Variants in CDK14 observed in about 807,000 individuals in gnomAD.
CDK14 encodes cyclin dependent kinase 14.
A neutral mutation model predicts 60.7 loss-of-function variants in CDK14; 34 were observed. The ratio of observed to expected loss-of-function variants is 0.56; its 90% CI spans 0.43 to 0.75. CDK14 has a LOEUF of 0.75. CDK14 is among the 30% of genes least tolerant of loss of function. The probability of loss-of-function intolerance (pLI) is 0.00; values close to 1 mark genes in which losing one functional copy is unlikely to be tolerated. For synonymous variants in CDK14, 197 were observed against 203.7 expected (o/e 0.97, Z 0.28); for missense variants, 482 against 564.1 (o/e 0.85, Z 1.47).
intron 6 of CDK14, among the ~76,000 whole-genome samples, chr7:90,881,482 G>C (rs1423975579): frequency 6.6e-6 from 1 of 152,106 alleles, no homozygotes; most frequent in Non-Finnish European, 1.5e-5. Flanking sequence ...GAAGGAGATG[G>C]GGAGAATGGA....
At chr7:90,806,544 T>C (rs139634262) in intron 5 of CDK14, among the ~76,000 whole-genome samples, 1,960 of 152,326 alleles carry the variant, frequency 0.013, 59 homozygotes, top group African/African-American at 0.045. Flanking sequence ...GCGTGAGCGA[T>C]GTAGAAGACA....
chr7:91,112,589 A>G lies in CDK14; in HGVS notation c.1202A>G (p.Gln401Arg), dbSNP rs753868379. ...GAGGACCTGGCCTCCAAGCTCCTAC[A>G]ATGTTCCCCAAAGAACAGACTGTCG... ...HAEDLASKLL[Q>R]CSPKNRLSAQ... The change falls in exon 13 of 15, where the codon CAA becomes CGA. Residue 401 changes from glutamine (Q) to arginine (R), a missense_variant. By Grantham distance (43) the Gln-to-Arg change is conservative. Transcript: ENST00000380050. 1 of 1,613,796 alleles carries G rather than the reference A, an allele frequency of 6.2e-7. No homozygotes were observed. The highest frequency in any genetic ancestry group is 8.5e-7 in the Non-Finnish European group (1 of 1,179,834).
intron 10 of CDK14, among the ~76,000 whole-genome samples, chr7:91,023,325 G>A (rs564157200): frequency 7.0e-4 from 107 of 152,166 alleles, no homozygotes; most frequent in African/African-American, 2.4e-3. Flanking sequence ...GGTTTTTGTT[G>A]GTGATGGGAT....
chr7:90,985,913 C>T (rs1168174550), intron 10 of CDK14, among the ~76,000 whole-genome samples: 1 of 151,888 alleles, frequency 6.6e-6, no homozygotes, highest in Non-Finnish European at 1.5e-5. Context: ...CAAATGTTAA[C>T]ATGATTATAA....
At chr7:90,892,617 C>T (rs1250121236) in intron 6 of CDK14, among the ~76,000 whole-genome samples, 2 of 152,156 alleles carry the variant, frequency 1.3e-5, no homozygotes, top group African/African-American at 4.8e-5. Flanking sequence ...GTCTAAACCT[C>T]ATAAACTCTT....
intron 12 of CDK14, among the ~76,000 whole-genome samples, chr7:91,103,949 G>A (rs1474157001): frequency 6.6e-6 from 1 of 152,000 alleles, no homozygotes; most frequent in African/African-American, 2.4e-5. Context: ...ATTTTCAACT[G>A]TATTAAAAGC....
At chr7:91,078,104 T>C (rs1798376253) in intron 11 of CDK14, among the ~76,000 whole-genome samples, 1 of 152,150 alleles carries the variant, frequency 6.6e-6, no homozygotes, top group Non-Finnish European at 1.5e-5. Flanking sequence ...ATGTAAAATA[T>C]GCATACCGTT....
intron 6 of CDK14, among the ~76,000 whole-genome samples, chr7:90,877,794 GAAAA>G (rs2117271545): frequency 6.6e-6 from 1 of 152,134 alleles, no homozygotes; most frequent in East Asian, 1.9e-4. Flanking sequence ...ATTTATTAGA[GAAAA>G]AGAAAGGACC....
At chr7:90,863,551 A>G (rs1348875025) in intron 6 of CDK14, among the ~76,000 whole-genome samples, 1 of 152,160 alleles carries the variant, frequency 6.6e-6, no homozygotes, top group African/African-American at 2.4e-5. Flanking sequence ...TTTTAGGTTT[A>G]TTACATAGGA....
Position 90,604,227 on chromosome 7 carries a change from A to C in CDK14, c.101A>C (p.Lys34Thr). ...CCTTCTTATTTTATAGCTTTGAAGA[A>C]AGATGACACCACCTTTGATGAGGTA... ...SESFSRIALKKDDTTFDEICV... is the reference protein window; with the variant it reads ...SESFSRIALKTDDTTFDEICV... Residue 34 changes from lysine to threonine, a missense_variant, in exon 2 of 15, where the codon AAA becomes ACA. Coordinates refer to ENST00000380050, the MANE Select transcript of CDK14 (RefSeq NM_001287135.2). The C allele has an allele frequency of 6.5e-7, 1 of 1,542,088 alleles. No homozygotes were observed. Among genetic ancestry groups the C allele is most frequent in the Middle Eastern group, 1.7e-4 (1 of 5,898 alleles).
chr7:90,639,256 GTTT>G (rs1350421783), intron 2 of CDK14, among the ~76,000 whole-genome samples: 2 of 151,936 alleles, frequency 1.3e-5, no homozygotes. Flanking sequence ...CATCTTTGTG[GTTT>G]TATCTACTTT....
At chr7:91,089,727 T>C (rs1798748324) in intron 12 of CDK14, among the ~76,000 whole-genome samples, 1 of 152,178 alleles carries the variant, frequency 6.6e-6, no homozygotes, top group African/African-American at 2.4e-5. Flanking sequence ...GTTAGGTGTC[T>C]GTTTGGATGA....
chr7:91,081,750 G>A (rs1397204573), intron 12 of CDK14, among the ~76,000 whole-genome samples: 1 of 152,000 alleles, frequency 6.6e-6, no homozygotes, highest in Admixed American at 6.6e-5. Flanking sequence ...GCAACCATGG[G>A]CATAATTTCA....
intron 1 of CDK14, chr7:90,597,064 C>G (rs1185167995): frequency 3.7e-6 from 1 of 272,534 alleles, no homozygotes; most frequent in Admixed American, 5.1e-5. Context: ...GCTTGGGCCA[C>G]TTGTTATTTT....
intron 6 of CDK14, among the ~76,000 whole-genome samples, chr7:90,881,558 C>T (rs1791753979): frequency 6.6e-6 from 1 of 152,104 alleles, no homozygotes; most frequent in South Asian, 2.1e-4. Flanking sequence ...CAAGACAGGC[C>T]AGCATACAAA....
intron 2 of CDK14, among the ~76,000 whole-genome samples, chr7:90,645,790 A>G (rs1800452056): frequency 6.6e-6 from 1 of 152,256 alleles, no homozygotes; most frequent in Non-Finnish European, 1.5e-5. Context: ...TCCATCTTTA[A>G]CATATTGGCC....
chr7:91,195,321 T>C (rs991557638), intron 14 of CDK14, among the ~76,000 whole-genome samples: 6 of 152,244 alleles, frequency 3.9e-5, no homozygotes, highest in Admixed American at 1.3e-4. Flanking sequence ...TGTGTATTAA[T>C]CGAACATGTT....
chr7:90,596,755 G>T, intron 1 of CDK14, 37 bp downstream of exon 1: 4 of 1,532,924 alleles, frequency 2.6e-6, no homozygotes, highest in Non-Finnish European at 3.6e-6. Flanking sequence ...CCCAGCGCCC[G>T]CTCCCCTCGG....
At chr7:90,962,345 G>T (rs1390226949) in intron 9 of CDK14, among the ~76,000 whole-genome samples, 2 of 152,262 alleles carry the variant, frequency 1.3e-5, no homozygotes, top group East Asian at 3.9e-4. Flanking sequence ...AATTAGCTGG[G>T]CATGGTGGCA....
Sources: gnomAD v4.1 joint callset for allele counts (sites outside exome capture counted in the v4.1 genomes callset) on GRCh38, gnomAD v4.1.1 for gene constraint, MANE v1.5 for transcripts, NCBI Gene and HGNC (gene_info 2026-07-23, HGNC 2026-07-21) for gene names.